Variants in SPTLC1 observed in about 807,000 individuals in gnomAD.
The protein encoded by SPTLC1 is serine palmitoyltransferase long chain base subunit 1.
SPTLC1 carries 55 observed loss-of-function variants against 68.9 expected under a neutral mutation model. The ratio of observed to expected loss-of-function variants is 0.80; its 90% CI spans 0.64 to 1.00. The LOEUF is 1.00. Ranked by LOEUF, SPTLC1 falls within the 50% of genes least tolerant of loss-of-function variation. SPTLC1 has a pLI of 0.00. For synonymous variants in SPTLC1, 197 were observed against 201.6 expected (o/e 0.98, Z 0.19); for missense variants, 449 against 573.1 (o/e 0.78, Z 2.21).
intron 3 of SPTLC1, among the ~76,000 whole-genome samples, chr9:92,103,955 G>A (rs1165721185): frequency 2.0e-5 from 3 of 152,188 alleles, no homozygotes; most frequent in South Asian, 2.1e-4. Context: ...GGAGCAGGAC[G>A]TCCCTGAGGC....
chr9:92,079,908 G>T, intron 5 of SPTLC1, 108 bp downstream of exon 5: 1 of 935,264 alleles, frequency 1.1e-6, no homozygotes, highest in Non-Finnish European at 1.8e-6. Flanking sequence ...TCCCACCTCA[G>T]CCTCCCCAAA....
chr9:92,094,997 T>C (rs1410715895), intron 3 of SPTLC1, among the ~76,000 whole-genome samples: 1 of 152,118 alleles, frequency 6.6e-6, no homozygotes, highest in Non-Finnish European at 1.5e-5. Context: ...GATTTTAAAC[T>C]AGGGAAAAAC....
Position 92,032,113 on chromosome 9 carries a change from G to C in SPTLC1, c.*352C>G. ...CTTACTGAACCATTACTATTAGAGGGAGGGAAGAGACACTGAAGCTCCAGT... is the reference window on the plus strand; with the variant it reads ...CTTACTGAACCATTACTATTAGAGGCAGGGAAGAGACACTGAAGCTCCAGT... On this transcript the variant is annotated 3_prime_UTR_variant, in exon 15 of 15. Transcript: ENST00000262554. The C allele has an allele frequency of 1.6e-6, 1 of 632,286 alleles. No individual in the cohort carries two copies. Among genetic ancestry groups the C allele is most frequent in the Non-Finnish European group, 2.7e-6 (1 of 373,570 alleles). The allele number at this position is 632,286 out of a possible 1,614,324, so 39.2% of individuals were successfully genotyped here. A position where few individuals can be genotyped will look rare whatever the true frequency, so the allele number is the denominator to read the frequency against.
At chr9:92,104,870 A>G in intron 3 of SPTLC1, 1 of 1,532,330 alleles carries the variant, frequency 6.5e-7, no homozygotes, top group Non-Finnish European at 8.7e-7. Context: ...CCAGACTGAC[A>G]AGGCCCAGGT....
chr9:92,069,247 A>C (rs1435637549), intron 5 of SPTLC1, among the ~76,000 whole-genome samples: 1 of 152,230 alleles, frequency 6.6e-6, no homozygotes, highest in Non-Finnish European at 1.5e-5. Flanking sequence ...CAGACTTCCT[A>C]AAGAACGTTA....
At chr9:92,101,898 C>T (rs942555343) in intron 3 of SPTLC1, among the ~76,000 whole-genome samples, 3 of 151,938 alleles carry the variant, frequency 2.0e-5, no homozygotes, top group African/African-American at 7.3e-5. Flanking sequence ...CTGAAAATCT[C>T]CCAATTCTTG....
At chr9:92,072,895 T>C (rs1587944931) in intron 5 of SPTLC1, among the ~76,000 whole-genome samples, 2 of 152,116 alleles carry the variant, frequency 1.3e-5, no homozygotes, top group South Asian at 4.2e-4. Context: ...CATCTACCTC[T>C]CCTTCTTCCA....
At position 92,038,378 on chromosome 9, in the gene SPTLC1, AAC is replaced by A. The variant is rs147137401; in HGVS notation, c.1137-15_1137-14del. The A allele has an allele frequency of 8.6e-6, 13 of 1,517,964 alleles. No individual in the cohort carries two copies. The highest frequency in any genetic ancestry group is 2.3e-5 in the East Asian group (1 of 44,442). The allele number at this position is 1,517,964 out of a possible 1,614,324, so 94.0% of individuals were successfully genotyped here. On this transcript the variant is annotated splice_polypyrimidine_tract_variant and intron_variant, in intron 12 of 14. Transcript: ENST00000262554. ...TAATCCAGAAATGCTGAAGAAGGGA[AAC>A]ACACACACAGCTGTAAGTCCCTTCC...
At chr9:92,092,248 T>C (rs1030756177) in intron 3 of SPTLC1, among the ~76,000 whole-genome samples, 2 of 152,074 alleles carry the variant, frequency 1.3e-5, no homozygotes, top group African/African-American at 4.8e-5. Context: ...AAGTAAGACA[T>C]AAAGCAAGTG....
At chr9:92,059,342 A>C (rs1360952134) in intron 6 of SPTLC1, 34 bp from the exon 7 acceptor site, 1 of 1,612,404 alleles carries the variant, frequency 6.2e-7, no homozygotes, top group Non-Finnish European at 8.5e-7. Context: ...AATTGGGTTT[A>C]AAGGGTCTTG....
At position 92,088,116 on chromosome 9, in the gene SPTLC1, T is replaced by C. The variant is rs192291864; in HGVS notation, c.261-7153A>G. ...GTGTCGGAAAAGCGCAGTATTAGGG[T>C]GGGAGTGACCCAATTTTTCAGGTGC... is the stretch of plus-strand genomic sequence containing the variant. On this transcript the variant is annotated intron_variant, in intron 3 of 14. Transcript: ENST00000262554. Among the ~76,000 whole-genome samples, 4 of 152,330 alleles carry C rather than the reference T, an allele frequency of 2.6e-5. No homozygotes were observed. The East Asian group carries it at 7.7e-4, about 29-fold the overall frequency.
intron 9 of SPTLC1, among the ~76,000 whole-genome samples, chr9:92,049,539 C>G (rs1487887258): frequency 6.6e-6 from 1 of 152,304 alleles, no homozygotes; most frequent in African/African-American, 2.4e-5. Context: ...CTACCTCCCA[C>G]AAACACATTA....
intron 3 of SPTLC1, among the ~76,000 whole-genome samples, chr9:92,101,691 A>G (rs1424256416): frequency 6.8e-6 from 1 of 147,968 alleles, no homozygotes; most frequent in Non-Finnish European, 1.5e-5. Flanking sequence ...AGATCAAACA[A>G]AAGAATTTCT....
chr9:92,086,358 C>T (rs1016605201), intron 3 of SPTLC1, among the ~76,000 whole-genome samples: 8 of 152,208 alleles, frequency 5.3e-5, no homozygotes, highest in African/African-American at 1.9e-4. Context: ...TACATTTTGG[C>T]ATGATTTTGC....
intron 5 of SPTLC1, among the ~76,000 whole-genome samples, chr9:92,071,515 T>C (rs1217126342): frequency 6.6e-6 from 1 of 152,254 alleles, no homozygotes; most frequent in East Asian, 1.9e-4. Flanking sequence ...CAAATGTTTT[T>C]CATGTTTTCA....
intron 2 of SPTLC1, chr9:92,111,634 AATAGTT>A (rs1836249443): frequency 6.6e-6 from 1 of 152,158 alleles, no homozygotes; most frequent in Admixed American, 6.5e-5. Flanking sequence ...CCTTATGAGG[AATAGTT>A]ATAACAAGCT....
At chr9:92,102,932 A>G (rs1473119447) in intron 3 of SPTLC1, among the ~76,000 whole-genome samples, 1 of 151,876 alleles carries the variant, frequency 6.6e-6, no homozygotes, top group African/African-American at 2.4e-5. Flanking sequence ...TCTTGGGCAT[A>G]AGAAAACCTA....
intron 5 of SPTLC1, among the ~76,000 whole-genome samples, chr9:92,073,000 C>T (rs1455254369): frequency 2.0e-5 from 3 of 151,860 alleles, no homozygotes; most frequent in African/African-American, 7.3e-5. Context: ...CCCTCAGAAC[C>T]GAGTTCTACC....
chr9:92,080,803 G>C (rs569677797), intron 4 of SPTLC1, 67 bp downstream of exon 4: 2 of 1,334,498 alleles, frequency 1.5e-6, no homozygotes, highest in Non-Finnish European at 2.1e-6. Context: ...GCCTGCCTTT[G>C]TCTTTTATGT....
Sources: gnomAD v4.1 joint callset for allele counts (sites outside exome capture counted in the v4.1 genomes callset) on GRCh38, gnomAD v4.1.1 for gene constraint, MANE v1.5 for transcripts, NCBI Gene and HGNC (gene_info 2026-07-23, HGNC 2026-07-21) for gene names.